REV1: variants seen among roughly 807,000 people sequenced by gnomAD.
The protein encoded by REV1 is REV1 DNA directed polymerase, also known as translesion synthesis protein REV1.
A neutral mutation model predicts 137.4 loss-of-function variants in REV1; 42 were observed. The observed-to-expected ratio is 0.31, with a 90% CI of 0.24 to 0.40. The LOEUF is 0.40. Among genes scored for constraint, REV1 ranks in the 10% least tolerant of loss-of-function variants. The pLI is 1.00. For synonymous variants in REV1, 524 were observed against 519.2 expected (o/e 1.01, Z -0.12); for missense variants, 1,282 against 1,490.1 (o/e 0.86, Z 2.30).
At chr2:99,432,820 A>G (rs561866704) in intron 8 of REV1, among the ~76,000 whole-genome samples, 5 of 152,240 alleles carry the variant, frequency 3.3e-5, no homozygotes, top group Non-Finnish European at 7.3e-5. Flanking sequence ...AAACTGATGA[A>G]GACAAGTAAC....
At position 99,412,878 on chromosome 2, in the gene REV1, G is replaced by C; in HGVS notation, c.2025C>G (p.Thr675=). The C allele has an allele frequency of 1.2e-6, 2 of 1,614,012 alleles. No homozygotes were observed. The highest frequency in any genetic ancestry group is 1.7e-6 in the Non-Finnish European group (2 of 1,179,948). ...IKTCGDLQYM[T]MAKLQKEFGP... ...CAAATTCTTTTTGGAGTTTTGCCATGGTCATATACTGCAAGTCTCCACAAG... is the reference window on the plus strand; with the variant it reads ...CAAATTCTTTTTGGAGTTTTGCCATCGTCATATACTGCAAGTCTCCACAAG... The change falls in exon 13 of 23, where the codon ACC becomes ACG. Residue 675 remains threonine, a synonymous_variant. Coordinates refer to ENST00000258428, the MANE Select transcript of REV1 (RefSeq NM_016316.4).
chr2:99,421,058 A>G (rs113466735), intron 11 of REV1, among the ~76,000 whole-genome samples: 21 of 152,290 alleles, frequency 1.4e-4, no homozygotes, highest in African/African-American at 4.8e-4. Flanking sequence ...GAGAGACTGG[A>G]CAGTTACTGA....
intron 9 of REV1, among the ~76,000 whole-genome samples, chr2:99,428,119 A>G (rs1315418624): frequency 6.6e-6 from 1 of 152,130 alleles, no homozygotes; most frequent in Non-Finnish European, 1.5e-5. Context: ...GAAGGTATAA[A>G]GGGAGAGACC....
intron 22 of REV1, among the ~76,000 whole-genome samples, chr2:99,401,898 C>CG (rs1331416553): frequency 1.3e-5 from 2 of 151,946 alleles, no homozygotes; most frequent in East Asian, 1.9e-4. Flanking sequence ...CACCACCACC[C>CG]CCCCAGATTA....
intron 4 of REV1, among the ~76,000 whole-genome samples, chr2:99,445,625 C>T (rs889174641): frequency 3.3e-5 from 5 of 152,180 alleles, no homozygotes; most frequent in Non-Finnish European, 5.9e-5. Context: ...TTTCAAATTT[C>T]AAGGTAAAAT....
chr2:99,421,077 G>T (rs1405091354), intron 11 of REV1, among the ~76,000 whole-genome samples: 1 of 152,148 alleles, frequency 6.6e-6, no homozygotes, highest in Admixed American at 6.5e-5. Flanking sequence ...GAGAGCACTT[G>T]GAGTCAGGGT....
chr2:99,431,046 G>A (rs925102655), intron 8 of REV1, among the ~76,000 whole-genome samples: 10 of 152,140 alleles, frequency 6.6e-5, no homozygotes, highest in African/African-American at 2.4e-4. Context: ...CAGACTCACT[G>A]TTCTGTGAAG....
chr2:99,448,214 G>C (rs1682470454), intron 4 of REV1, among the ~76,000 whole-genome samples: 1 of 151,878 alleles, frequency 6.6e-6, no homozygotes, highest in African/African-American at 2.4e-5. Context: ...GTAAAAGCAA[G>C]AACTAGAAAA....
chr2:99,424,510 A>G (rs574507456), intron 9 of REV1: 1 of 515,226 alleles, frequency 1.9e-6, no homozygotes, highest in African/African-American at 1.9e-5. Flanking sequence ...TATGTCATTA[A>G]AATACCAGGT....
chr2:99,462,890 C>A, intron 2 of REV1: 1 of 259,488 alleles, frequency 3.9e-6, no homozygotes, highest in Non-Finnish European at 7.1e-6. Flanking sequence ...GAGTTTGAGA[C>A]CAGCTTGGCC....
chr2:99,480,129 G>A (rs1330093486), intron 1 of REV1, among the ~76,000 whole-genome samples: 1 of 152,134 alleles, frequency 6.6e-6, no homozygotes, highest in Non-Finnish European at 1.5e-5. Flanking sequence ...GATCAGCCTG[G>A]GCAATGAAGT....
At chr2:99,404,402 G>A in intron 18 of REV1, 42 bp downstream of exon 18, 1 of 1,529,846 alleles carries the variant, frequency 6.5e-7, no homozygotes, top group Non-Finnish European at 9.0e-7. Flanking sequence ...AGGGGGGTGA[G>A]AATATTGAAA....
chr2:99,405,978 C>T lies in REV1; in HGVS notation c.2743G>A (p.Gly915Ser), dbSNP rs1285265605. Residue 915 changes from glycine (G) to serine (S), a missense_variant, in exon 17 of 23, where the codon GGT becomes AGT. Transcript: ENST00000258428. ...NKAESSGKWN[G>S]LHTPVSVQSR... ...TGCACACTGACAGGAGTATGTAGAC[C>T]ATTCCATTTCCCTGAAGACTCAGCC... 1 of 1,613,906 alleles carries T rather than the reference C, an allele frequency of 6.2e-7. No individual in the cohort carries two copies. Among genetic ancestry groups the T allele is most frequent in the Non-Finnish European group, 8.5e-7 (1 of 1,179,898 alleles).
At chr2:99,467,680 C>T (rs897830166) in intron 1 of REV1, among the ~76,000 whole-genome samples, 1 of 152,158 alleles carries the variant, frequency 6.6e-6, no homozygotes, top group African/African-American at 2.4e-5. Context: ...CTATGAGTAA[C>T]AAGAAATTGG....
chr2:99,431,331 T>C (rs775347017), intron 8 of REV1, among the ~76,000 whole-genome samples: 3 of 152,126 alleles, frequency 2.0e-5, no homozygotes, highest in Non-Finnish European at 4.4e-5. Flanking sequence ...AGCTATACTA[T>C]TACAAATTAA....
intron 19 of REV1, 24 bp from the exon 20 acceptor site, chr2:99,403,130 C>A: frequency 6.6e-7 from 1 of 1,513,344 alleles, no homozygotes; most frequent in South Asian, 1.2e-5. Flanking sequence ...GATATAAGAT[C>A]CTCAACAAAA....
At chr2:99,471,231 T>C (rs1242519684) in intron 1 of REV1, among the ~76,000 whole-genome samples, 2 of 152,218 alleles carry the variant, frequency 1.3e-5, no homozygotes, top group Non-Finnish European at 2.9e-5. Flanking sequence ...AATTCTCTGC[T>C]AAGGCATTTA....
intron 1 of REV1, among the ~76,000 whole-genome samples, chr2:99,483,135 T>C (rs1686799331): frequency 6.6e-6 from 1 of 151,722 alleles, no homozygotes; most frequent in South Asian, 2.1e-4. Context: ...AAAAAAGGCT[T>C]AAAATAAAAA....
intron 9 of REV1, among the ~76,000 whole-genome samples, chr2:99,426,472 A>G (rs1679383311): frequency 6.6e-6 from 1 of 152,248 alleles, no homozygotes; most frequent in South Asian, 2.1e-4. Flanking sequence ...AGTAAAATAT[A>G]GTACATCTAC....
Sources: allele counts gnomAD v4.1 joint callset (sites outside exome capture counted in the v4.1 genomes callset), GRCh38; gene constraint gnomAD v4.1.1; transcripts MANE v1.5; gene names NCBI Gene and HGNC (gene_info 2026-07-23, HGNC 2026-07-21).